Variants in CCDC63 observed in about 807,000 individuals in gnomAD.
The protein encoded by CCDC63 is coiled-coil domain-containing protein 63.
Under a neutral mutation model 63.6 loss-of-function variants are expected in CCDC63, and 54 were observed. That is an observed-to-expected ratio of 0.85 (90% CI 0.68 to 1.07). The LOEUF (loss-of-function observed/expected upper bound fraction) is 1.07. Ranked by LOEUF, CCDC63 falls within the 50% of genes least tolerant of loss-of-function variation. The probability of loss-of-function intolerance (pLI) is 0.00; values close to 1 mark genes in which losing one functional copy is unlikely to be tolerated. For missense variants in CCDC63, 637 were observed against 689.6 expected, an observed-to-expected ratio of 0.92 and a Z score of 0.86; for synonymous variants, 253 against 266.1, an observed-to-expected ratio of 0.95 and a Z score of 0.48.
At chr12:110,893,211 C>CGGGA in intron 9 of CCDC63, 61 bp downstream of exon 9, 1 of 1,396,386 alleles carries the variant, frequency 7.2e-7, no homozygotes. Context: ...CTGTGTCTGA[C>CGGGA]GGGAGCTTCT....
chr12:110,870,271 G>A (rs1391972571), intron 4 of CCDC63, among the ~76,000 whole-genome samples: 4 of 152,072 alleles, frequency 2.6e-5, no homozygotes, highest in African/African-American at 4.8e-5. Context: ...TAGTAGAGAC[G>A]GGGTTTCACC....
At chr12:110,905,885 TATATA>T (rs1475724340) in intron 11 of CCDC63, among the ~76,000 whole-genome samples, 1 of 96,056 alleles carries the variant, frequency 1.0e-5, no homozygotes, top group East Asian at 2.5e-4. Flanking sequence ...TGTGTGTATA[TATATA>T]ATATTATATA....
chr12:110,871,233 C>G (rs905594106), intron 4 of CCDC63, among the ~76,000 whole-genome samples: 3 of 151,886 alleles, frequency 2.0e-5, no homozygotes, highest in Non-Finnish European at 4.4e-5. Flanking sequence ...GCTCCGCCTC[C>G]CGGGTTCATG....
At chr12:110,873,208 C>G (rs1396380023) in intron 4 of CCDC63, among the ~76,000 whole-genome samples, 1 of 152,106 alleles carries the variant, frequency 6.6e-6, no homozygotes, top group East Asian at 1.9e-4. Context: ...AGCACTCCAG[C>G]CTGGGCGACA....
chr12:110,891,571 G>C (rs1361244734), intron 8 of CCDC63, among the ~76,000 whole-genome samples: 5 of 143,062 alleles, frequency 3.5e-5, no homozygotes, highest in Non-Finnish European at 6.0e-5. Flanking sequence ...CGCAGTCAAG[G>C]CTTCAGTGAG....
intron 1 of CCDC63, among the ~76,000 whole-genome samples, chr12:110,852,634 C>A (rs1237194657): frequency 6.6e-6 from 1 of 152,074 alleles, no homozygotes; most frequent in East Asian, 1.9e-4. Context: ...AACCATCTGC[C>A]CAGCTCCTAA....
chr12:110,863,780 A>T (rs914936370), intron 4 of CCDC63, among the ~76,000 whole-genome samples: 1 of 152,182 alleles, frequency 6.6e-6, no homozygotes, highest in African/African-American at 2.4e-5. Context: ...ACCTCAAGTG[A>T]TCTGCCCACC....
intron 10 of CCDC63, 82 bp from the exon 11 acceptor site, chr12:110,904,506 C>A (rs975670466): frequency 8.2e-7 from 1 of 1,217,320 alleles, no homozygotes; most frequent in Non-Finnish European, 1.2e-6. Flanking sequence ...CCTCCCCGCC[C>A]TCTGCAGTGG....
chr12:110,883,936 G>A, intron 7 of CCDC63, 94 bp from the exon 8 acceptor site: 1 of 1,000,710 alleles, frequency 1.0e-6, no homozygotes, highest in Non-Finnish European at 1.6e-6. Flanking sequence ...CACCATGCCT[G>A]GCCACAATAA....
At chr12:110,857,347 G>A (rs1206329133) in intron 3 of CCDC63, among the ~76,000 whole-genome samples, 3 of 149,784 alleles carry the variant, frequency 2.0e-5, no homozygotes, top group Admixed American at 6.7e-5. Context: ...GGCTGGTCTC[G>A]AACTCCTGAC....
chr12:110,871,712 T>C (rs981467506), intron 4 of CCDC63, among the ~76,000 whole-genome samples: 1 of 152,104 alleles, frequency 6.6e-6, no homozygotes, highest in Non-Finnish European at 1.5e-5. Context: ...TACTTAGGTA[T>C]ACACTCGTAA....
intron 11 of CCDC63, among the ~76,000 whole-genome samples, chr12:110,905,991 T>TAATAA (rs5800906): frequency 8.0e-4 from 2 of 2,488 alleles, no homozygotes; most frequent in African/African-American, 1.7e-3. Flanking sequence ...TATTATATTA[T>TAATAA]TATAATATAT....
chr12:110,897,098 TAGAAC>T (rs1263054756), intron 9 of CCDC63, among the ~76,000 whole-genome samples: 9 of 151,938 alleles, frequency 5.9e-5, no homozygotes, highest in South Asian at 2.1e-4. Context: ...AATAGTGAGA[TAGAAC>T]AGAACAGAAG....
upstream of CCDC63, among the ~76,000 whole-genome samples, chr12:110,845,282 G>A (rs2070625592): frequency 6.6e-6 from 1 of 152,196 alleles, no homozygotes; most frequent in Non-Finnish European, 1.5e-5. Context: ...GCATGGAGCT[G>A]AGTGCTGGAG....
At chr12:110,906,123 T>C (rs1457267161) in intron 11 of CCDC63, among the ~76,000 whole-genome samples, 1 of 120,998 alleles carries the variant, frequency 8.3e-6, no homozygotes, top group African/African-American at 3.2e-5. Context: ...TATGGGACAT[T>C]TGGCAATATC....
At chr12:110,857,034 A>G (rs1463479007) in intron 3 of CCDC63, among the ~76,000 whole-genome samples, 1 of 151,894 alleles carries the variant, frequency 6.6e-6, no homozygotes, top group African/African-American at 2.4e-5. Context: ...CAAACTCCTG[A>G]GTTCAAGCAA....
At chr12:110,900,143 G>T (rs1316270020) in intron 10 of CCDC63, among the ~76,000 whole-genome samples, 1 of 152,162 alleles carries the variant, frequency 6.6e-6, no homozygotes, top group African/African-American at 2.4e-5. Flanking sequence ...AACCTGAGAA[G>T]TGGAGGTTGT....
chr12:110,850,444 T>C (rs1044847420), intron 1 of CCDC63, among the ~76,000 whole-genome samples: 2 of 152,182 alleles, frequency 1.3e-5, no homozygotes, highest in Admixed American at 1.3e-4. Context: ...TCATCCTTGC[T>C]TTTAAGAAGC....
At chr12:110,868,242 T>C (rs2071003747) in intron 4 of CCDC63, among the ~76,000 whole-genome samples, 1 of 124,428 alleles carries the variant, frequency 8.0e-6, no homozygotes, top group South Asian at 2.6e-4. Context: ...CTCCTCACTT[T>C]CCAGACTGGG....
Sources: gnomAD v4.1 joint callset for allele counts (sites outside exome capture counted in the v4.1 genomes callset) on GRCh38, gnomAD v4.1.1 for gene constraint, MANE v1.5 for transcripts, NCBI Gene and HGNC (gene_info 2026-07-23, HGNC 2026-07-21) for gene names.